DNAH7: variants seen among roughly 807,000 people sequenced by gnomAD.
DNAH7 encodes dynein axonemal heavy chain 7.
A neutral mutation model predicts 444.6 loss-of-function variants in DNAH7; 397 were observed. The observed-to-expected ratio is 0.89, with a 90% confidence interval of 0.82 to 0.97. DNAH7 has a LOEUF of 0.97. Among genes scored for constraint, DNAH7 ranks in the 50% least tolerant of loss-of-function variants. The pLI, the probability that DNAH7 is intolerant of heterozygous loss-of-function variation, is 0.00. For missense variants in DNAH7, 4,902 were observed against 4,800.8 expected (o/e 1.02, Z -0.62); for synonymous variants, 1,636 against 1,624.4 (o/e 1.01, Z -0.17).
At chr2:195,777,310 A>G (rs552704344) in intron 59 of DNAH7, among the ~76,000 whole-genome samples, 3 of 152,082 alleles carry the variant, frequency 2.0e-5, no homozygotes, top group Non-Finnish European at 4.4e-5. Flanking sequence ...CCACCTTCTT[A>G]CCTGTGTGGC....
intron 63 of DNAH7, among the ~76,000 whole-genome samples, chr2:195,747,951 T>C (rs1437290933): frequency 6.6e-6 from 1 of 152,102 alleles, no homozygotes; most frequent in Non-Finnish European, 1.5e-5. Flanking sequence ...CTCTCACCAC[T>C]CGTATTCAAC....
intron 36 of DNAH7, among the ~76,000 whole-genome samples, chr2:195,879,242 G>C (rs1366342700): frequency 6.6e-6 from 1 of 152,088 alleles, no homozygotes; most frequent in African/African-American, 2.4e-5. Context: ...GCAGCGACAC[G>C]CTGAGTCTAA....
chr2:195,847,009 A>G (rs1291794750), intron 46 of DNAH7, among the ~76,000 whole-genome samples: 1 of 145,090 alleles, frequency 6.9e-6, no homozygotes, highest in East Asian at 2.0e-4. Flanking sequence ...CCTTTTAGAG[A>G]ATCCTATTAG....
At chr2:195,980,815 T>TAAA (rs59787108) in intron 15 of DNAH7, among the ~76,000 whole-genome samples, 318 of 144,046 alleles carry the variant, frequency 2.2e-3, no homozygotes, top group African/African-American at 6.8e-3. Flanking sequence ...TGCTTCATGA[T>TAAA]AAAAAAAAAA....
intron 14 of DNAH7, among the ~76,000 whole-genome samples, chr2:195,985,485 G>A (rs553674960): frequency 6.6e-6 from 1 of 152,324 alleles, no homozygotes; most frequent in South Asian, 2.1e-4. Context: ...CTCCTAGGCA[G>A]AGAGAAAAAC....
chr2:195,903,571 T>G, intron 27 of DNAH7: 1 of 152,090 alleles, frequency 6.6e-6, no homozygotes. Context: ...TTCTCTAAAG[T>G]GAAGATGTAT....
At chr2:195,912,322 C>T (rs978702110) in intron 24 of DNAH7, among the ~76,000 whole-genome samples, 1 of 152,144 alleles carries the variant, frequency 6.6e-6, no homozygotes, top group Non-Finnish European at 1.5e-5. Context: ...TGACTCACAA[C>T]CGAAAACATT....
In DNAH7 at chr2:195,777,978, G is replaced by C; in HGVS notation, c.10886C>G (p.Pro3629Arg). The C allele has an allele frequency of 6.2e-7, 1 of 1,608,888 alleles. No homozygotes were observed. Among genetic ancestry groups the C allele is most frequent in the Non-Finnish European group, 8.5e-7 (1 of 1,176,674 alleles). The change falls in exon 59 of 65, where the codon CCG (proline) becomes CGG (arginine). Residue 3629 changes from proline to arginine, a missense_variant. Coordinates refer to ENST00000312428, the MANE Select transcript of DNAH7 (RefSeq NM_018897.3). ...AGTCATGTACCGCAGAGCCTCATAC[G>C]GCAGTTCCTAAAATAGTGCGTGTCA... ...HMFLNQYEEL[P>R]YEALRYMTGE...
chr2:195,950,461 T>C (rs932023791), intron 19 of DNAH7, among the ~76,000 whole-genome samples: 1 of 152,098 alleles, frequency 6.6e-6, no homozygotes, highest in Non-Finnish European at 1.5e-5. Flanking sequence ...GATATCCCCT[T>C]TATCATTTTT....
intron 21 of DNAH7, among the ~76,000 whole-genome samples, chr2:195,929,057 G>A (rs967856456): frequency 4.0e-5 from 6 of 151,844 alleles, no homozygotes; most frequent in Admixed American, 6.6e-5. Flanking sequence ...ACAAAAATCG[G>A]TAACATTTCT....
intron 17 of DNAH7, among the ~76,000 whole-genome samples, chr2:195,967,025 C>G (rs1272816146): frequency 6.6e-6 from 1 of 151,994 alleles, no homozygotes; most frequent in Non-Finnish European, 1.5e-5. Flanking sequence ...TTGTGGGCTT[C>G]TCTTGCTTTC....
intron 29 of DNAH7, among the ~76,000 whole-genome samples, chr2:195,895,851 T>C (rs1702276857): frequency 1.3e-5 from 2 of 152,196 alleles, no homozygotes; most frequent in Non-Finnish European, 2.9e-5. Context: ...ATGGCATAAA[T>C]ATTTTGAGAT....
chr2:196,012,008 T>C (rs1039642542), intron 10 of DNAH7, among the ~76,000 whole-genome samples: 4 of 152,302 alleles, frequency 2.6e-5, no homozygotes, highest in African/African-American at 9.6e-5. Context: ...TAAAGTTTTT[T>C]CAAGTAATAT....
chr2:195,952,167 T>C (rs1690303918), intron 19 of DNAH7, among the ~76,000 whole-genome samples: 3 of 152,178 alleles, frequency 2.0e-5, no homozygotes, highest in Non-Finnish European at 2.9e-5. Context: ...CTGTAAAGGA[T>C]TTTATTTATC....
chr2:195,957,113 G>T (rs1690720341), intron 19 of DNAH7, 148 bp downstream of exon 19: 1 of 642,644 alleles, frequency 1.6e-6, no homozygotes, highest in Non-Finnish European at 2.4e-6. Context: ...TCTGCTCCTG[G>T]CATTCTAAAA....
chr2:195,793,785 A>G (rs552471854), intron 57 of DNAH7, among the ~76,000 whole-genome samples: 1 of 152,214 alleles, frequency 6.6e-6, no homozygotes, highest in Admixed American at 6.5e-5. Flanking sequence ...TCCATTTTTA[A>G]TTATGGCAAA....
intron 10 of DNAH7, among the ~76,000 whole-genome samples, chr2:196,005,568 G>A (rs1282807272): frequency 6.6e-6 from 1 of 151,750 alleles, no homozygotes; most frequent in African/African-American, 2.4e-5. Flanking sequence ...GAATTAAAAG[G>A]GAATATAATA....
rs1692728144 is a variant in DNAH7 at position 195,737,866 on chromosome 2, T to C, written c.*55A>G. On this transcript the variant is annotated 3_prime_UTR_variant, in exon 65 of 65. Coordinates refer to ENST00000312428, the MANE Select transcript of DNAH7 (RefSeq NM_018897.3). ...AAAAGGTTTAAGTAGTAAAATATGC[T>C]TTCTCTACTCAGCCAGCCAACAAGA... 7 of 1,561,216 alleles carry C rather than the reference T, an allele frequency of 4.5e-6. No homozygotes were observed. Among genetic ancestry groups the C allele is most frequent in the African/African-American group, 1.4e-5 (1 of 73,240 alleles).
intron 15 of DNAH7, among the ~76,000 whole-genome samples, chr2:195,977,491 T>C (rs1184352992): frequency 1.3e-5 from 2 of 152,122 alleles, no homozygotes; most frequent in African/African-American, 2.4e-5. Context: ...GAAGTACACC[T>C]ATAGGATCTG....
Sources: gnomAD v4.1 joint callset for allele counts (sites outside exome capture counted in the v4.1 genomes callset) on GRCh38, gnomAD v4.1.1 for gene constraint, MANE v1.5 for transcripts, NCBI Gene and HGNC (gene_info 2026-07-23, HGNC 2026-07-21) for gene names.